PLA2G4A: variants seen among roughly 807,000 people sequenced by gnomAD.
The protein encoded by PLA2G4A is cytosolic phospholipase A2.
A neutral mutation model predicts 81.9 loss-of-function variants in PLA2G4A; 40 were observed. The ratio of observed to expected loss-of-function variants is 0.49; its 90% CI spans 0.38 to 0.64. The LOEUF (loss-of-function observed/expected upper bound fraction) is 0.64, where lower values mean the gene tolerates loss of function less well. PLA2G4A is among the 30% of genes least tolerant of loss of function. PLA2G4A has a pLI of 0.00. For synonymous variants in PLA2G4A, 302 were observed against 296.9 expected (o/e 1.02, Z -0.18); for missense variants, 715 against 905.1 (o/e 0.79, Z 2.69).
chr1:186,924,459 C>T (rs1031008445), intron 7 of PLA2G4A, among the ~76,000 whole-genome samples: 9 of 152,196 alleles, frequency 5.9e-5, no homozygotes, highest in Non-Finnish European at 8.8e-5. Flanking sequence ...TCCCTTTTCA[C>T]GGTCTTTATC....
At chr1:186,856,793 A>G (rs1652569192) in intron 2 of PLA2G4A, among the ~76,000 whole-genome samples, 1 of 151,868 alleles carries the variant, frequency 6.6e-6, no homozygotes, top group African/African-American at 2.4e-5. Flanking sequence ...GGGAAGTAAG[A>G]TGTCAGCATA....
chr1:186,836,675 T>C (rs1651789456), intron 1 of PLA2G4A, among the ~76,000 whole-genome samples: 1 of 152,220 alleles, frequency 6.6e-6, no homozygotes, highest in Admixed American at 6.5e-5. Flanking sequence ...TGTTGGTCAC[T>C]GAGCAGTATG....
At chr1:186,973,859 A>G (rs1184029489) in intron 15 of PLA2G4A, among the ~76,000 whole-genome samples, 2 of 152,116 alleles carry the variant, frequency 1.3e-5, no homozygotes, top group Non-Finnish European at 2.9e-5. Flanking sequence ...TTGCTTCAAT[A>G]ATTTTTTAAG....
intron 3 of PLA2G4A, among the ~76,000 whole-genome samples, chr1:186,887,150 G>A (rs1653964915): frequency 6.6e-6 from 1 of 151,994 alleles, no homozygotes; most frequent in South Asian, 2.1e-4. Flanking sequence ...GCCATATTTT[G>A]ACTACACATT....
chr1:186,898,304 G>T (rs547983753), intron 5 of PLA2G4A, among the ~76,000 whole-genome samples: 1 of 152,054 alleles, frequency 6.6e-6, no homozygotes, highest in Non-Finnish European at 1.5e-5. Flanking sequence ...AAGGAACTAA[G>T]AATCTGTTTG....
At chr1:186,982,921 A>G (rs1357022231) in intron 17 of PLA2G4A, among the ~76,000 whole-genome samples, 2 of 152,032 alleles carry the variant, frequency 1.3e-5, no homozygotes, top group Non-Finnish European at 2.9e-5. Context: ...TACTAAAAAT[A>G]CAAAAAAGCA....
chr1:186,830,960 T>TGC (rs1558339100), intron 1 of PLA2G4A, among the ~76,000 whole-genome samples: 2,450 of 33,014 alleles, frequency 0.074, 40 homozygotes, highest in African/African-American at 0.19. Flanking sequence ...CTTGCTTGCT[T>TGC]TCTTTCTTTC....
At chr1:186,948,652 A>G (rs1283311222) in intron 12 of PLA2G4A, among the ~76,000 whole-genome samples, 1 of 152,162 alleles carries the variant, frequency 6.6e-6, no homozygotes, top group Non-Finnish European at 1.5e-5. Context: ...GGACTGAAAT[A>G]ACAGATCTGA....
intron 7 of PLA2G4A, among the ~76,000 whole-genome samples, chr1:186,926,123 C>T (rs991054357): frequency 3.3e-5 from 5 of 152,178 alleles, no homozygotes; most frequent in Non-Finnish European, 7.3e-5. Context: ...ATGTAGGACA[C>T]ATTGGTTGGC....
At chr1:186,944,672 A>T (rs1398297095) in intron 10 of PLA2G4A, among the ~76,000 whole-genome samples, 1 of 152,132 alleles carries the variant, frequency 6.6e-6, no homozygotes, top group East Asian at 1.9e-4. Flanking sequence ...AGGTGTTGTG[A>T]CCTACCATTG....
intron 17 of PLA2G4A, among the ~76,000 whole-genome samples, chr1:186,981,616 A>G (rs935295303): frequency 7.2e-5 from 11 of 152,228 alleles, no homozygotes; most frequent in Non-Finnish European, 4.4e-5. Context: ...TGTACAGTTT[A>G]GTGGCATTAA....
rs375318148 is a variant in PLA2G4A at position 186,856,065 on chromosome 1, AACAC to A, written c.33+1691_33+1694del. On this transcript the variant is annotated intron_variant, in intron 2 of 17. Coordinates refer to ENST00000367466, the MANE Select transcript of PLA2G4A (RefSeq NM_024420.3). ...TTCATTTTGCCAATTTACACACACAAACACACACACACACACTCATGCATGCATG... is the reference window on the plus strand; with the variant it reads ...TTCATTTTGCCAATTTACACACACAAACACACACACACTCATGCATGCATG... Among the ~76,000 whole-genome samples, 547 of 150,624 alleles carry A rather than the reference AACAC, an allele frequency of 3.6e-3. 6 individuals are homozygous for A. The highest frequency in any genetic ancestry group is 0.012 in the African/African-American group (494 of 41,092).
chr1:186,896,194 T>C lies in PLA2G4A; in HGVS notation c.378+1983T>C, dbSNP rs570540130. On this transcript the variant is annotated intron_variant, in intron 5 of 17. Transcript: ENST00000367466. Reference sequence around the variant, plus strand: ...TATATCGATACTATACACATATAGATGTGCACATGTATACATACAGGGCTT... The same window carrying C: ...TATATCGATACTATACACATATAGACGTGCACATGTATACATACAGGGCTT... Among the ~76,000 whole-genome samples the C allele has an allele frequency of 6.6e-5, 10 of 152,340 alleles. No homozygotes were observed. The East Asian group carries it at 1.5e-3, about 23-fold the overall frequency.
At chr1:186,844,436 T>C (rs1449079316) in intron 1 of PLA2G4A, among the ~76,000 whole-genome samples, 1 of 152,220 alleles carries the variant, frequency 6.6e-6, no homozygotes, top group Non-Finnish European at 1.5e-5. Flanking sequence ...TCTCTTTGCT[T>C]TTAGAATATG....
intron 15 of PLA2G4A, among the ~76,000 whole-genome samples, chr1:186,967,264 G>A (rs1264030959): frequency 6.6e-6 from 1 of 151,980 alleles, no homozygotes; most frequent in African/African-American, 2.4e-5. Context: ...GGGTAGTAAA[G>A]GTATTCAGAC....
rs572436606 is a variant in PLA2G4A at position 186,927,339 on chromosome 1, C to T, written c.559-5424C>T. ...TCTTTTCTTTGAGCAAGATATATGA[C>T]TTTGTGTATGGGGATTTTTGGTGTG... is the stretch of plus-strand genomic sequence containing the variant. On this transcript the variant is annotated intron_variant, in intron 7 of 17. Coordinates refer to ENST00000367466, the MANE Select transcript of PLA2G4A (RefSeq NM_024420.3). 2.6e-5 allele frequency among the ~76,000 whole-genome samples: 4 copies of T among 152,222 alleles called. No homozygotes were observed. The South Asian group carries it at 8.3e-4, about 32-fold the overall frequency.
At chr1:186,935,582 A>G (rs1655917760) in intron 8 of PLA2G4A, among the ~76,000 whole-genome samples, 1 of 151,932 alleles carries the variant, frequency 6.6e-6, no homozygotes, top group African/African-American at 2.4e-5. Flanking sequence ...ACAGGACACA[A>G]GATTGAAAGC....
intron 3 of PLA2G4A, among the ~76,000 whole-genome samples, chr1:186,879,789 CTTTAT>C (rs1653656835): frequency 1.3e-5 from 2 of 150,250 alleles, no homozygotes; most frequent in South Asian, 4.2e-4. Flanking sequence ...TATGTACTGT[CTTTAT>C]TTTAATTTTT....
At chr1:186,866,542 G>T (rs767756501) in intron 2 of PLA2G4A, among the ~76,000 whole-genome samples, 1 of 151,886 alleles carries the variant, frequency 6.6e-6, no homozygotes, top group Non-Finnish European at 1.5e-5. Flanking sequence ...TATGACATAT[G>T]GTTCACATTC....
Sources: gnomAD v4.1 joint callset for allele counts (sites outside exome capture counted in the v4.1 genomes callset) on GRCh38, gnomAD v4.1.1 for gene constraint, MANE v1.5 for transcripts, NCBI Gene and HGNC (gene_info 2026-07-23, HGNC 2026-07-21) for gene names.